Variants in GALNT14 observed in about 807,000 individuals in gnomAD.
The protein encoded by GALNT14 is UDP-GalNAc:polypeptide N-acetylgalactosaminyltransferase 14.
Under a neutral mutation model 77.5 loss-of-function variants are expected in GALNT14, and 60 were observed. The observed-to-expected ratio is 0.77, with a 90% CI of 0.63 to 0.96. The LOEUF (loss-of-function observed/expected upper bound fraction) is 0.96. Among genes scored for constraint, GALNT14 ranks in the 40% least tolerant of loss-of-function variants. The pLI, the probability that GALNT14 is intolerant of heterozygous loss-of-function variation, is 0.00. For missense variants in GALNT14, 710 were observed against 731.0 expected (o/e 0.97, Z 0.33); for synonymous variants, 280 against 281.7 (o/e 0.99, Z 0.06).
chr2:30,942,135 G>T, intron 9 of GALNT14, 66 bp downstream of exon 9: 1 of 1,170,982 alleles, frequency 8.5e-7, no homozygotes. Context: ...AAACCACAGA[G>T]GTCCCCGCCC....
intron 1 of GALNT14, among the ~76,000 whole-genome samples, chr2:31,117,791 T>C (rs1023989497): frequency 1.3e-5 from 2 of 152,192 alleles, no homozygotes; most frequent in Admixed American, 1.3e-4. Flanking sequence ...CAGAAGTTCC[T>C]GCTTACACAG....
Position 30,993,027 on chromosome 2 carries a change from A to G in GALNT14, c.130-20T>C. On this transcript the variant is annotated intron_variant, in intron 1 of 14. Transcript: ENST00000349752. ...CGAAGGCTGCGTGACACGAATGGGA[A>G]GTCTGTGAGAACGGCTCCCTGTCCT... is the stretch of plus-strand genomic sequence containing the variant. The G allele has an allele frequency of 6.2e-7, 1 of 1,612,642 alleles. No individual in the cohort carries two copies.
At chr2:30,935,849 T>TG (rs1380951333) in intron 9 of GALNT14, among the ~76,000 whole-genome samples, 1 of 152,172 alleles carries the variant, frequency 6.6e-6, no homozygotes, top group Non-Finnish European at 1.5e-5. Flanking sequence ...TCAGAAGTGC[T>TG]GTAGATTCAC....
chr2:31,062,906 GTTGT>G (rs558888570), intron 1 of GALNT14, among the ~76,000 whole-genome samples: 61 of 152,208 alleles, frequency 4.0e-4, no homozygotes, highest in Non-Finnish European at 6.9e-4. Flanking sequence ...TTTTGATAGG[GTTGT>G]TTGGTTTTAC....
In GALNT14 at chr2:30,983,316, T is replaced by TTTG. The variant is rs889824937; in HGVS notation, c.299+9519_299+9521dup. On this transcript the variant is annotated intron_variant, in intron 2 of 14. Coordinates refer to ENST00000349752, the MANE Select transcript of GALNT14 (RefSeq NM_024572.4). The stretch of plus-strand genomic sequence containing the variant: ...GAGGGCACACTTTCAGTCTGTTTTT[T>TTTG]TTGTTGTTGTTGTTGTTTTTACTGA... 3.3e-5 allele frequency among the ~76,000 whole-genome samples: 5 copies of TTTG among 151,952 alleles called. No individual in the cohort carries two copies. The East Asian group carries it at 7.8e-4, about 24-fold the overall frequency.
downstream of GALNT14, among the ~76,000 whole-genome samples, chr2:30,907,495 C>G (rs1311315245): frequency 2.0e-5 from 3 of 152,128 alleles, no homozygotes; most frequent in Non-Finnish European, 4.4e-5. Flanking sequence ...ATACACTCTC[C>G]CAAGACTAAA....
intron 11 of GALNT14, among the ~76,000 whole-genome samples, chr2:30,925,197 T>A (rs1415404372): frequency 6.6e-6 from 1 of 152,204 alleles, no homozygotes; most frequent in Non-Finnish European, 1.5e-5. Flanking sequence ...CTCTTTGGAT[T>A]CTGCAGCCGA....
chr2:30,930,792 G>A (rs1665679288), intron 10 of GALNT14, among the ~76,000 whole-genome samples: 1 of 152,250 alleles, frequency 6.6e-6, no homozygotes. Context: ...GCAGTTAACA[G>A]TGCCTCCCTG....
At chr2:31,042,837 C>T (rs1673183946) in intron 1 of GALNT14, among the ~76,000 whole-genome samples, 1 of 152,220 alleles carries the variant, frequency 6.6e-6, no homozygotes, top group South Asian at 2.1e-4. Flanking sequence ...CCTCCTTCCT[C>T]CTGTGCTCTC....
chr2:30,895,946 C>T, the GALNT14 span, among the ~76,000 whole-genome samples: 11 of 152,134 alleles, frequency 7.2e-5, no homozygotes, highest in African/African-American at 2.4e-4. Flanking sequence ...GCTGATGCCA[C>T]GTCAATTGGG....
chr2:30,939,839 C>G (rs1238007864), intron 9 of GALNT14, among the ~76,000 whole-genome samples: 3 of 152,104 alleles, frequency 2.0e-5, no homozygotes, highest in African/African-American at 7.2e-5. Flanking sequence ...TGGAGCATCA[C>G]TCGTACACCC....
intron 6 of GALNT14, among the ~76,000 whole-genome samples, chr2:30,955,141 G>T (rs1463158560): frequency 1.3e-5 from 2 of 152,134 alleles, no homozygotes; most frequent in African/African-American, 4.8e-5. Flanking sequence ...AGGAATTCAG[G>T]TCTCTTAGCA....
chr2:30,958,987 ATCC>A (rs1667530920), intron 3 of GALNT14, among the ~76,000 whole-genome samples: 1 of 152,052 alleles, frequency 6.6e-6, no homozygotes, highest in African/African-American at 2.4e-5. Context: ...GACATCCCAA[ATCC>A]TCAGCACATT....
At chr2:30,895,672 C>T in the GALNT14 span, among the ~76,000 whole-genome samples, 1 of 152,084 alleles carries the variant, frequency 6.6e-6, no homozygotes, top group Non-Finnish European at 1.5e-5. Flanking sequence ...CACAACTCAG[C>T]CCTCCAATTC....
chr2:30,927,342 A>G (rs1401453073), intron 11 of GALNT14, among the ~76,000 whole-genome samples: 1 of 152,214 alleles, frequency 6.6e-6, no homozygotes. Flanking sequence ...TGTGGCACTC[A>G]AGCAGGCAGC....
chr2:30,924,317 G>A, intron 12 of GALNT14, 54 bp from the exon 13 acceptor site: 1 of 1,582,680 alleles, frequency 6.3e-7, no homozygotes. Flanking sequence ...GGATTAGCAA[G>A]ACTACCAGCT....
At chr2:30,957,397 T>C (rs1236388361) in intron 4 of GALNT14, among the ~76,000 whole-genome samples, 2 of 152,104 alleles carry the variant, frequency 1.3e-5, no homozygotes, top group Non-Finnish European at 2.9e-5. Flanking sequence ...TTTTAACCAC[T>C]GCTATTCTGC....
intron 1 of GALNT14, among the ~76,000 whole-genome samples, chr2:31,078,214 A>G (rs897290797): frequency 7.2e-5 from 11 of 152,228 alleles, no homozygotes; most frequent in African/African-American, 2.7e-4. Context: ...GCTGAAAAGT[A>G]TCAGGCATAA....
At chr2:30,985,049 GGCCCACTAGGCCAT>G (rs34079143) in intron 2 of GALNT14, among the ~76,000 whole-genome samples, 109,816 of 151,734 alleles carry the variant, frequency 0.72, 40,754 homozygotes, top group African/African-American at 0.89. Flanking sequence ...GAGCTCCTAG[GGCCCACTAGGCCAT>G]GAGTGGAGAC....
Sources: gnomAD v4.1 joint callset for allele counts (sites outside exome capture counted in the v4.1 genomes callset) on GRCh38, gnomAD v4.1.1 for gene constraint, MANE v1.5 for transcripts, NCBI Gene and HGNC (gene_info 2026-07-23, HGNC 2026-07-21) for gene names.